The following ZUP1 variants were observed in gnomAD, a reference collection of about 807,000 sequenced individuals.
ZUP1 encodes zinc finger-containing ubiquitin peptidase 1.
In ZUP1, 55 loss-of-function variants were observed where a neutral mutation model predicts 68.1. The observed-to-expected ratio is 0.81, with a 90% CI of 0.65 to 1.01. The LOEUF (loss-of-function observed/expected upper bound fraction) is 1.01. Among genes scored for constraint, ZUP1 ranks in the 50% least tolerant of loss-of-function variants. ZUP1 has a pLI of 0.00. For synonymous variants in ZUP1, 223 were observed against 221.5 expected (o/e 1.01, Z -0.06); for missense variants, 684 against 674.9 (o/e 1.01, Z -0.15).
intron 3 of ZUP1, among the ~76,000 whole-genome samples, chr6:116,659,152 G>A (rs28716382): frequency 0.19 from 28,579 of 151,932 alleles, 2,874 homozygotes; most frequent in East Asian, 0.29. Context: ...TTTTTGAGAC[G>A]GAGTTTCGCT....
At chr6:116,639,448 G>A (rs560221709) in intron 9 of ZUP1, among the ~76,000 whole-genome samples, 1 of 152,336 alleles carries the variant, frequency 6.6e-6, no homozygotes, top group East Asian at 1.9e-4. Context: ...CCCAGTAGGG[G>A]CAGACTGACA....
At chr6:116,637,512 C>A (rs535755254) in intron 9 of ZUP1, among the ~76,000 whole-genome samples, 1 of 152,276 alleles carries the variant, frequency 6.6e-6, no homozygotes, top group African/African-American at 2.4e-5. Context: ...TAAAGCACAG[C>A]TACTGTCCAT....
At chr6:116,656,974 GTTAAC>G (rs1167827369) in intron 4 of ZUP1, 122 bp from the exon 5 acceptor site, 5 of 601,224 alleles carry the variant, frequency 8.3e-6, no homozygotes, top group Non-Finnish European at 1.3e-5. Flanking sequence ...CTTTATACAA[GTTAAC>G]TTAAAGATTT....
chr6:116,647,377 C>T (rs1776343091), intron 8 of ZUP1, 82 bp downstream of exon 8: 1 of 1,261,200 alleles, frequency 7.9e-7, no homozygotes. Context: ...AACAAACAAA[C>T]AAAAAACCTT....
intron 2 of ZUP1, among the ~76,000 whole-genome samples, chr6:116,661,787 T>C (rs1168908904): frequency 2.0e-5 from 3 of 152,192 alleles, no homozygotes; most frequent in African/African-American, 4.8e-5. Flanking sequence ...ATGAAACTGC[T>C]TCACAGGGAA....
At chr6:116,663,066 C>T (rs547404924) in intron 2 of ZUP1, among the ~76,000 whole-genome samples, 2 of 152,176 alleles carry the variant, frequency 1.3e-5, no homozygotes, top group East Asian at 1.9e-4. Flanking sequence ...ATTTACCAAC[C>T]GAATGACAAA....
intron 9 of ZUP1, among the ~76,000 whole-genome samples, chr6:116,637,883 T>TAGATGGGGTAGA (rs1775949457): frequency 6.6e-6 from 1 of 151,934 alleles, no homozygotes; most frequent in African/African-American, 2.4e-5. Context: ...GCTAACATGG[T>TAGATGGGGTAGA]GAAACCCCAT....
rs1776748681 is a variant in ZUP1 at position 116,658,872 on chromosome 6, C to A, written c.723G>T (p.Gln241His). ...ATCTCCTCTTTCTGTCTTCTTCTTG[C>A]TGAAGCTGGTGAGCCAATTGTAGAT... The part of the protein sequence containing the change: ...SGDLQLAHQL[Q>H]QEEDRKRRSE... Residue 241 changes from glutamine (Q) to histidine (H), a missense_variant, in exon 4 of 10, where the codon CAG becomes CAT. By Grantham distance (24) the Gln-to-His change is conservative. Transcript: ENST00000368576. 6.2e-7 allele frequency: 1 copy of A among 1,612,260 alleles called. No homozygotes were observed. Among genetic ancestry groups the A allele is most frequent in the South Asian group, 1.1e-5 (1 of 90,936 alleles).
At chr6:116,649,630 T>C (rs1776418809) in intron 7 of ZUP1, among the ~76,000 whole-genome samples, 1 of 152,224 alleles carries the variant, frequency 6.6e-6, no homozygotes, top group Admixed American at 6.5e-5. Flanking sequence ...TCCACTAATG[T>C]AGGAACTCTA....
chr6:116,667,252 ATG>A (rs755630727), intron 1 of ZUP1, 45 bp from the exon 2 acceptor site: 4 of 1,308,130 alleles, frequency 3.1e-6, no homozygotes, highest in Non-Finnish European at 4.1e-6. Context: ...TGAAGAAAAA[ATG>A]TGTTTCATAA....
chr6:116,657,004 AACACAC>A (rs3033987), intron 4 of ZUP1, 152 bp from the exon 5 acceptor site: 187 of 412,090 alleles, frequency 4.5e-4, no homozygotes, highest in East Asian at 9.7e-4. Flanking sequence ...AAAAACTAAT[AACACAC>A]ACACACACAC....
chr6:116,644,189 A>G lies in ZUP1; in HGVS notation c.1689+1525T>C, dbSNP rs539474558. Among the ~76,000 whole-genome samples the G allele has an allele frequency of 5.9e-5, 9 of 152,302 alleles. No individual in the cohort carries two copies. The East Asian group carries it at 1.7e-3, about 29-fold the overall frequency. On this transcript the variant is annotated intron_variant, in intron 9 of 9. Coordinates refer to ENST00000368576, the MANE Select transcript of ZUP1 (RefSeq NM_145062.3). ...TCAATCATTAAAAAGTCAGGAAACA[A>G]CAGGTGCTGGAGAGGATGTGGAGAA...
intron 5 of ZUP1, among the ~76,000 whole-genome samples, chr6:116,652,457 A>C (rs935046888): frequency 6.6e-6 from 1 of 152,166 alleles, no homozygotes; most frequent in African/African-American, 2.4e-5. Flanking sequence ...CTGTTGAATG[A>C]ATGTTCTTCT....
intron 2 of ZUP1, among the ~76,000 whole-genome samples, chr6:116,662,506 C>G (rs1292087163): frequency 6.6e-6 from 1 of 152,136 alleles, no homozygotes; most frequent in Non-Finnish European, 1.5e-5. Flanking sequence ...TCTAATTGTT[C>G]AGTGGCAGTG....
At chr6:116,645,586 A>G in intron 9 of ZUP1, 128 bp downstream of exon 9, 1 of 401,514 alleles carries the variant, frequency 2.5e-6, no homozygotes, top group Non-Finnish European at 3.9e-6. Context: ...CTGTCTCCAA[A>G]AAAAAAAAAA....
At chr6:116,661,065 G>A (rs1292037820) in intron 2 of ZUP1, among the ~76,000 whole-genome samples, 1 of 151,112 alleles carries the variant, frequency 6.6e-6, no homozygotes, top group African/African-American at 2.4e-5. Flanking sequence ...TTTTAGAGAT[G>A]AGATCTCACT....
At chr6:116,652,250 A>C in intron 5 of ZUP1, 58 bp from the exon 6 acceptor site, 1 of 1,369,280 alleles carries the variant, frequency 7.3e-7, no homozygotes, top group Non-Finnish European at 1.0e-6. Flanking sequence ...GCTATCTCAT[A>C]CATTTTTAAT....
intron 2 of ZUP1, among the ~76,000 whole-genome samples, chr6:116,664,552 T>C (rs906106957): frequency 6.6e-6 from 1 of 151,842 alleles, no homozygotes; most frequent in Non-Finnish European, 1.5e-5. Context: ...TTATGAAACT[T>C]GATAATATGG....
intron 9 of ZUP1, among the ~76,000 whole-genome samples, chr6:116,638,346 A>G (rs532771382): frequency 6.6e-6 from 1 of 152,288 alleles, no homozygotes; most frequent in East Asian, 1.9e-4. Context: ...AAATTTTTCA[A>G]TTCCTAGGAA....
Sources: gnomAD v4.1 joint callset for allele counts (sites outside exome capture counted in the v4.1 genomes callset) on GRCh38, gnomAD v4.1.1 for gene constraint, MANE v1.5 for transcripts, NCBI Gene and HGNC (gene_info 2026-07-23, HGNC 2026-07-21) for gene names.